ESR2: variants seen among roughly 807,000 people sequenced by gnomAD.
ESR2 encodes the protein estrogen receptor 2, also known as estrogen receptor beta.
In ESR2, 36 loss-of-function variants were observed where a neutral mutation model predicts 49.6. The ratio of observed to expected loss-of-function variants is 0.73; its 90% CI spans 0.56 to 0.96. The LOEUF (loss-of-function observed/expected upper bound fraction) is 0.96. ESR2 is among the 40% of genes least tolerant of loss of function. The pLI is 0.00. For synonymous variants in ESR2, 320 were observed against 266.1 expected (o/e 1.20, Z -1.97); for missense variants, 714 against 693.0 (o/e 1.03, Z -0.34).
At chr14:64,319,206 C>A (rs1217355786) in intron 1 of ESR2, among the ~76,000 whole-genome samples, 2 of 152,118 alleles carry the variant, frequency 1.3e-5, no homozygotes, top group Non-Finnish European at 2.9e-5. Context: ...CAACTACATA[C>A]AACTACATAT....
At chr14:64,316,603 G>C (rs2077258761) in intron 1 of ESR2, among the ~76,000 whole-genome samples, 1 of 151,904 alleles carries the variant, frequency 6.6e-6, no homozygotes, top group Admixed American at 6.6e-5. Context: ...GAGGTCAGGA[G>C]TTTGAGACCA....
chr14:64,239,745 A>C (rs540891130), intron 7 of ESR2, among the ~76,000 whole-genome samples: 1 of 152,112 alleles, frequency 6.6e-6, no homozygotes, highest in Non-Finnish European at 1.5e-5. Context: ...GTTGTCTCTT[A>C]CTCTCAAGAG....
chr14:64,325,980 ATT>A (rs397961804), intron 1 of ESR2, among the ~76,000 whole-genome samples: 13 of 144,052 alleles, frequency 9.0e-5, no homozygotes, highest in Admixed American at 2.1e-4. Context: ...TTATACACAG[ATT>A]TTTTTTTTTT....
chr14:64,334,162 C>A (rs1236326856), intron 1 of ESR2, among the ~76,000 whole-genome samples: 1 of 152,154 alleles, frequency 6.6e-6, no homozygotes, highest in Non-Finnish European at 1.5e-5. Flanking sequence ...TTGGGCCATA[C>A]TTGTTTTGCT....
intron 3 of ESR2, among the ~76,000 whole-genome samples, chr14:64,270,868 C>G (rs1025554386): frequency 6.6e-6 from 1 of 152,190 alleles, no homozygotes; most frequent in African/African-American, 2.4e-5. Context: ...TTCACAGTCT[C>G]TTAGATCTAC....
intron 1 of ESR2, among the ~76,000 whole-genome samples, chr14:64,292,799 G>A (rs1257324636): frequency 6.6e-6 from 1 of 152,112 alleles, no homozygotes; most frequent in African/African-American, 2.4e-5. Flanking sequence ...GTTATGAGTT[G>A]AATTTACTAC....
chr14:64,275,652 G>A lies in ESR2; in HGVS notation c.535+4329C>T, dbSNP rs146827083. On this transcript the variant is annotated intron_variant, in intron 3 of 8. Coordinates refer to ENST00000341099, the MANE Select transcript of ESR2 (RefSeq NM_001437.3). Reference sequence around the variant, plus strand: ...TGGGAGTCGGAGGTTTCAGTGAGCCGAGATTGCACCATTACACTCCAGCCT... The same window carrying A: ...TGGGAGTCGGAGGTTTCAGTGAGCCAAGATTGCACCATTACACTCCAGCCT... 4.2e-3 allele frequency among the ~76,000 whole-genome samples: 636 copies of A among 151,884 alleles called. 20 individuals carry two copies. The highest frequency in any genetic ancestry group is 1.2e-3 in the Non-Finnish European group (79 of 67,972).
chr14:64,231,122 G>T lies in ESR2; in HGVS notation c.*2015C>A, dbSNP rs956053596. The T allele has an allele frequency of 2.6e-5, 4 of 151,976 alleles. No homozygotes were observed. Among genetic ancestry groups the T allele is most frequent in the Non-Finnish European group, 2.9e-5 (2 of 68,002 alleles). 9.4% of individuals were successfully genotyped at this position (151,976 alleles called of 1,614,324 possible). ...TGGAGTCAAACTCATGGGCTCAAGT[G>T]GTTCGCCCACCTCGGCCTCCCAAAG... On this transcript the variant is annotated 3_prime_UTR_variant, in exon 9 of 9. Coordinates refer to ENST00000341099, the MANE Select transcript of ESR2 (RefSeq NM_001437.3).
chr14:64,319,853 A>G (rs997212910), intron 1 of ESR2, among the ~76,000 whole-genome samples: 5 of 152,240 alleles, frequency 3.3e-5, no homozygotes, highest in African/African-American at 9.6e-5. Flanking sequence ...TGGAACAGCC[A>G]TTTTGTAAAA....
chr14:64,320,908 A>C (rs759578217), intron 1 of ESR2, among the ~76,000 whole-genome samples: 13 of 152,050 alleles, frequency 8.5e-5, no homozygotes, highest in Non-Finnish European at 1.5e-4. Flanking sequence ...TAATAATAAT[A>C]ATAATAATGT....
At chr14:64,285,839 A>G (rs2076776595) in intron 1 of ESR2, among the ~76,000 whole-genome samples, 1 of 147,204 alleles carries the variant, frequency 6.8e-6, no homozygotes, top group Non-Finnish European at 1.5e-5. Flanking sequence ...AAAAAAAAAA[A>G]AAAGAAAAAG....
intron 3 of ESR2, among the ~76,000 whole-genome samples, chr14:64,278,756 C>T (rs2140804463): frequency 6.6e-6 from 1 of 152,210 alleles, no homozygotes; most frequent in East Asian, 1.9e-4. Context: ...GCTGACCAGC[C>T]TTGAAATCAG....
intron 1 of ESR2, among the ~76,000 whole-genome samples, chr14:64,307,151 T>G (rs1329907255): frequency 6.6e-6 from 1 of 151,996 alleles, no homozygotes; most frequent in Non-Finnish European, 1.5e-5. Context: ...TTGTGTTTCC[T>G]TTCACTTTTT....
intron 1 of ESR2, among the ~76,000 whole-genome samples, chr14:64,287,300 G>A (rs925437599): frequency 6.6e-6 from 1 of 152,050 alleles, no homozygotes; most frequent in Non-Finnish European, 1.5e-5. Flanking sequence ...CCAACTATCA[G>A]ACCCCACCAA....
chr14:64,302,160 T>TTTTTATTTATTTA (rs1555593263), intron 1 of ESR2, among the ~76,000 whole-genome samples: 1 of 138,164 alleles, frequency 7.2e-6, no homozygotes, highest in Non-Finnish European at 1.5e-5. Context: ...TATTTTTTAT[T>TTTTTATTTATTTA]TTTATTTATT....
chr14:64,277,706 T>A (rs961713332), intron 3 of ESR2, among the ~76,000 whole-genome samples: 1 of 151,832 alleles, frequency 6.6e-6, no homozygotes, highest in Non-Finnish European at 1.5e-5. Flanking sequence ...GAGACAATTT[T>A]AAAAATAAGT....
At chr14:64,256,741 AAAAACAAAAC>A (rs530253544) in intron 6 of ESR2, among the ~76,000 whole-genome samples, 2 of 152,122 alleles carry the variant, frequency 1.3e-5, no homozygotes, top group African/African-American at 2.4e-5. Flanking sequence ...AAAAAAAACA[AAAAACAAAAC>A]AAAACAAAAC....
chr14:64,235,157 A>G lies in ESR2; in HGVS notation c.1226-7T>C, dbSNP rs1275855440. ...GTGACCAGAGGGTACATACCTGGACAAAGAATAAAAGCCAGAAGTCATTGC... is the reference window on the plus strand; with the variant it reads ...GTGACCAGAGGGTACATACCTGGACGAAGAATAAAAGCCAGAAGTCATTGC... On this transcript the variant is annotated splice_region_variant and splice_polypyrimidine_tract_variant and intron_variant, in intron 7 of 8. Coordinates refer to ENST00000341099, the MANE Select transcript of ESR2 (RefSeq NM_001437.3). The G allele has an allele frequency of 6.2e-7, 1 of 1,608,550 alleles. No individual in the cohort carries two copies. Among genetic ancestry groups the G allele is most frequent in the Non-Finnish European group, 8.5e-7 (1 of 1,176,856 alleles).
At chr14:64,264,995 C>A (rs1212893430) in intron 4 of ESR2, among the ~76,000 whole-genome samples, 1 of 151,828 alleles carries the variant, frequency 6.6e-6, no homozygotes, top group Non-Finnish European at 1.5e-5. Context: ...CTTTACATAC[C>A]CAAAGTGAGA....
Sources: allele counts gnomAD v4.1 joint callset (sites outside exome capture counted in the v4.1 genomes callset), GRCh38; gene constraint gnomAD v4.1.1; transcripts MANE v1.5; gene names NCBI Gene and HGNC (gene_info 2026-07-23, HGNC 2026-07-21).